The following CTBP2 variants were observed in gnomAD, a reference collection of about 807,000 sequenced individuals.
The protein encoded by CTBP2 is C-terminal-binding protein 2.
In CTBP2, 30 loss-of-function variants were observed where a neutral mutation model predicts 80.3. That is an observed-to-expected ratio of 0.37 (90% CI 0.28 to 0.51). The LOEUF is 0.51. CTBP2 is among the 20% of genes least tolerant of loss of function. CTBP2 has a pLI of 0.93. For synonymous variants in CTBP2, 594 were observed against 587.4 expected (o/e 1.01, Z -0.16); for missense variants, 1,212 against 1,375.3 (o/e 0.88, Z 1.88).
intron 2 of CTBP2, among the ~76,000 whole-genome samples, chr10:125,082,924 G>C (rs1350732427): frequency 6.6e-6 from 1 of 152,150 alleles, no homozygotes; most frequent in Non-Finnish European, 1.5e-5. Flanking sequence ...TGTCCAGCAG[G>C]CCTCGGCATT....
rs1225599470 is a variant in CTBP2 at position 124,987,194 on chromosome 10, T to TAGAG, written c.*2323_*2324insCTCT. ...AACAGCCATAATTATTGTCCCAAGA[T>TAGAG]AGAATATAGTCCTTTTTCAAAGATG... On this transcript the variant is annotated 3_prime_UTR_variant, in exon 9 of 9. Coordinates refer to ENST00000309035, the MANE Select transcript of CTBP2 (RefSeq NM_022802.3). 1 of 152,394 alleles carries TAGAG rather than the reference T, an allele frequency of 6.6e-6. No individual in the cohort carries two copies. Among genetic ancestry groups the TAGAG allele is most frequent in the Non-Finnish European group, 1.5e-5 (1 of 67,998 alleles). The allele number at this position is 152,394 out of a possible 1,614,324, so 9.4% of individuals were successfully genotyped here. A position where few individuals can be genotyped will look rare whatever the true frequency, so the allele number is the denominator to read the frequency against.
At chr10:125,145,517 G>A (rs185742190) in intron 1 of CTBP2, among the ~76,000 whole-genome samples, 37 of 152,276 alleles carry the variant, frequency 2.4e-4, no homozygotes, top group African/African-American at 8.2e-4. Context: ...GGCACGGCAG[G>A]GGGCCAGAGA....
intron 1 of CTBP2, among the ~76,000 whole-genome samples, chr10:125,007,538 G>A (rs1307490934): frequency 6.6e-6 from 1 of 152,142 alleles, no homozygotes; most frequent in East Asian, 1.9e-4. Flanking sequence ...CAGGGAGGAT[G>A]GCGGAAGGAT....
At position 124,988,567 on chromosome 10, in the gene CTBP2, G is replaced by A. The variant is rs1188860875; in HGVS notation, c.*951C>T. 1.3e-5 allele frequency: 2 copies of A among 152,604 alleles called. No homozygotes were observed. Among genetic ancestry groups the A allele is most frequent in the East Asian group, 3.8e-4 (2 of 5,204 alleles). The allele number at this position is 152,604 out of a possible 1,614,324, so 9.5% of individuals were successfully genotyped here. A position where few individuals can be genotyped will look rare whatever the true frequency, so the allele number is the denominator to read the frequency against. ...AACAAAAAGGCAATGATTCACAAAA[G>A]ACTATGAATAGAACATGTAACTAGT... On this transcript the variant is annotated 3_prime_UTR_variant, in exon 9 of 9. Coordinates refer to ENST00000309035, the MANE Select transcript of CTBP2 (RefSeq NM_022802.3).
intron 1 of CTBP2, among the ~76,000 whole-genome samples, chr10:125,136,166 T>A (rs924025441): frequency 6.6e-6 from 1 of 152,152 alleles, no homozygotes; most frequent in Non-Finnish European, 1.5e-5. Flanking sequence ...CAGATAAGGA[T>A]GAGAACGAAG....
chr10:125,067,718 A>AGC (rs1472078130), intron 2 of CTBP2, among the ~76,000 whole-genome samples: 1 of 152,252 alleles, frequency 6.6e-6, no homozygotes, highest in Non-Finnish European at 1.5e-5. Context: ...GCAGTAAGTT[A>AGC]TAGCAAGTGT....
chr10:125,069,021 G>C (rs1411737852), intron 2 of CTBP2, among the ~76,000 whole-genome samples: 1 of 152,080 alleles, frequency 6.6e-6, no homozygotes, highest in East Asian at 1.9e-4. Flanking sequence ...GAACAGAAGG[G>C]AACGATGCAC....
At chr10:125,153,618 G>A (rs1860400150) in intron 1 of CTBP2, among the ~76,000 whole-genome samples, 1 of 152,040 alleles carries the variant, frequency 6.6e-6, no homozygotes, top group African/African-American at 2.4e-5. Context: ...ACACACACCT[G>A]CGGCAGGTAC....
chr10:125,031,509 A>AAAAAAAAAAAAAAC (rs1958202574), upstream of CTBP2, among the ~76,000 whole-genome samples: 1 of 149,366 alleles, frequency 6.7e-6, no homozygotes, highest in Non-Finnish European at 1.5e-5. Context: ...AAAAAAAAAA[A>AAAAAAAAAAAAAAC]AAAAGTCTTT....
chr10:125,005,566 G>A (rs1410822324), intron 1 of CTBP2: 11 of 1,611,566 alleles, frequency 6.8e-6, no homozygotes, highest in Non-Finnish European at 8.5e-6. Flanking sequence ...ACCTGTATGA[G>A]TGGACAGGAA....
At chr10:125,074,102 C>T (rs1167541036) in intron 2 of CTBP2, among the ~76,000 whole-genome samples, 1 of 152,202 alleles carries the variant, frequency 6.6e-6, no homozygotes, top group Non-Finnish European at 1.5e-5. Context: ...GTTCATAAGC[C>T]TGGCCTCTAC....
intron 1 of CTBP2, among the ~76,000 whole-genome samples, chr10:125,114,209 A>G (rs7899253): frequency 0.2 from 29,895 of 152,150 alleles, 3,657 homozygotes; most frequent in African/African-American, 0.34. Flanking sequence ...AAGTGGCCTC[A>G]GCGTGTAACT....
rs1201253364 is a variant in CTBP2, at chr10:124,987,632, G to A, written c.*1886C>T. 2 of 152,110 alleles carry A rather than the reference G, an allele frequency of 1.3e-5. No individual in the cohort carries two copies. Among genetic ancestry groups the A allele is most frequent in the African/African-American group, 2.4e-5 (1 of 41,408 alleles). 9.4% of individuals were successfully genotyped at this position (152,110 alleles called of 1,614,324 possible). ...TAATAGGTCAGTAACTATGAGCGCC[G>A]TCTCTCTCCATGTGAGCTTGTGTTA... is the stretch of plus-strand genomic sequence containing the variant. On this transcript the variant is annotated 3_prime_UTR_variant, in exon 9 of 9. Coordinates refer to ENST00000309035, the MANE Select transcript of CTBP2 (RefSeq NM_022802.3).
intron 1 of CTBP2, among the ~76,000 whole-genome samples, chr10:125,132,846 T>A (rs1215290037): frequency 6.6e-6 from 1 of 152,212 alleles, no homozygotes; most frequent in Non-Finnish European, 1.5e-5. Flanking sequence ...AGAGTGCTAT[T>A]TTCACATCAT....
chr10:125,102,853 C>A (rs535951530), intron 2 of CTBP2, among the ~76,000 whole-genome samples: 40 of 152,216 alleles, frequency 2.6e-4, no homozygotes, highest in Non-Finnish European at 5.3e-4. Flanking sequence ...ACAGGACTTG[C>A]AGAGCCAGTG....
chr10:125,151,554 T>C (rs1859876969), intron 1 of CTBP2, among the ~76,000 whole-genome samples: 1 of 152,198 alleles, frequency 6.6e-6, no homozygotes, highest in South Asian at 2.1e-4. Context: ...ATGATGCCGC[T>C]GTTTACCGTT....
Position 124,984,819 on chromosome 10 carries a change from G to C in CTBP2, c.*4699C>G. On this transcript the variant is annotated 3_prime_UTR_variant, in exon 9 of 9. Coordinates refer to ENST00000309035, the MANE Select transcript of CTBP2 (RefSeq NM_022802.3). Reference sequence around the variant, plus strand: ...AGAAAAACTGCTCAGGGAGTGGCTGGACTGCTGTGTGACGGAGGGGGGAGT... The same window carrying C: ...AGAAAAACTGCTCAGGGAGTGGCTGCACTGCTGTGTGACGGAGGGGGGAGT... 6.2e-7 allele frequency: 1 copy of C among 1,613,934 alleles called. No homozygotes were observed. Among genetic ancestry groups the C allele is most frequent in the Non-Finnish European group, 8.5e-7 (1 of 1,179,996 alleles).
chr10:125,037,625 G>A (rs1184168390), intron 3 of CTBP2, among the ~76,000 whole-genome samples: 1 of 152,234 alleles, frequency 6.6e-6, no homozygotes, highest in African/African-American at 2.4e-5. Flanking sequence ...CTAGAGAGAT[G>A]TAACAACTAA....
intron 1 of CTBP2, among the ~76,000 whole-genome samples, chr10:125,134,311 C>T (rs1856627565): frequency 1.3e-5 from 2 of 152,194 alleles, no homozygotes; most frequent in Non-Finnish European, 2.9e-5. Context: ...TCTAGGCCAA[C>T]TCAAGTCCAC....
Sources: allele counts gnomAD v4.1 joint callset (sites outside exome capture counted in the v4.1 genomes callset), GRCh38; gene constraint gnomAD v4.1.1; transcripts MANE v1.5; gene names NCBI Gene and HGNC (gene_info 2026-07-23, HGNC 2026-07-21).